Variants in UNC50 observed in about 807,000 individuals in gnomAD.
The protein encoded by UNC50 is protein unc-50 homolog.
A neutral mutation model predicts 31.5 loss-of-function variants in UNC50; 24 were observed. The ratio of observed to expected loss-of-function variants is 0.76; its 90% CI spans 0.55 to 1.07. The LOEUF (loss-of-function observed/expected upper bound fraction) is 1.07, where lower values mean the gene tolerates loss of function less well. Ranked by LOEUF, UNC50 falls within the 50% of genes least tolerant of loss-of-function variation. UNC50 has a pLI of 0.00. For missense variants in UNC50, 245 were observed against 304.2 expected (o/e 0.81, Z 1.45); for synonymous variants, 118 against 114.7 (o/e 1.03, Z -0.18).
intron 3 of UNC50, among the ~76,000 whole-genome samples, chr2:98,611,994 C>T (rs1454415294): frequency 6.9e-6 from 1 of 145,108 alleles, no homozygotes; most frequent in Non-Finnish European, 1.5e-5. Flanking sequence ...CACCGCCACA[C>T]ACACACACGG....
At chr2:98,615,680 C>T (rs559252695) in intron 3 of UNC50, among the ~76,000 whole-genome samples, 55 of 152,160 alleles carry the variant, frequency 3.6e-4, no homozygotes, top group Non-Finnish European at 6.8e-4. Context: ...TCAGATCCGC[C>T]ACCAGGGAGG....
intron 3 of UNC50, among the ~76,000 whole-genome samples, chr2:98,611,623 C>A (rs1336556894): frequency 6.6e-6 from 1 of 152,166 alleles, no homozygotes; most frequent in African/African-American, 2.4e-5. Context: ...GACACAGTTA[C>A]CAGCTTGACT....
Position 98,618,485 on chromosome 2 carries a change from C to T in UNC50, c.*181C>T, listed in dbSNP as rs990586529. 3 of 454,778 alleles carry T rather than the reference C, an allele frequency of 6.6e-6. No individual in the cohort carries two copies. The highest frequency in any genetic ancestry group is 4.0e-5 in the African/African-American group (2 of 49,454). 28.2% of individuals were successfully genotyped at this position (454,778 alleles called of 1,614,324 possible). The stretch of plus-strand genomic sequence containing the variant: ...CATTCCTTAAAACTAATTAAATGTA[C>T]ATTTCTATAATAAATATTTTTTAAA... On this transcript the variant is annotated 3_prime_UTR_variant, in exon 6 of 6. Transcript: ENST00000357765.
chr2:98,616,575 A>G, intron 5 of UNC50, 42 bp downstream of exon 5: 7 of 1,511,046 alleles, frequency 4.6e-6, no homozygotes, highest in Non-Finnish European at 6.4e-6. Context: ...GAACATAGCA[A>G]GAGGGGGAAA....
intron 1 of UNC50, 129 bp downstream of exon 1, chr2:98,608,855 C>G (rs926722668): frequency 8.1e-6 from 2 of 246,888 alleles, no homozygotes; most frequent in Non-Finnish European, 1.6e-5. Context: ...GCCCCTCGGC[C>G]GGCGATAGAG....
At chr2:98,613,811 G>T (rs1039420334) in intron 3 of UNC50, among the ~76,000 whole-genome samples, 2 of 152,224 alleles carry the variant, frequency 1.3e-5, no homozygotes, top group African/African-American at 2.4e-5. Flanking sequence ...AACCTATGTT[G>T]TGTGAGGAAC....
intron 3 of UNC50, among the ~76,000 whole-genome samples, chr2:98,613,018 G>A (rs1404710927): frequency 6.6e-6 from 1 of 152,180 alleles, no homozygotes; most frequent in Non-Finnish European, 1.5e-5. Flanking sequence ...CCTTCAATAC[G>A]TAAAAATTTA....
At chr2:98,613,050 C>T (rs1484089730) in intron 3 of UNC50, among the ~76,000 whole-genome samples, 8 of 152,156 alleles carry the variant, frequency 5.3e-5, no homozygotes, top group Non-Finnish European at 1.5e-5. Flanking sequence ...TTCTGTGAAG[C>T]GCAGTACAGT....
Position 98,618,424 on chromosome 2 carries a change from A to G in UNC50, c.*120A>G. 1 of 1,020,160 alleles carries G rather than the reference A, an allele frequency of 9.8e-7. No homozygotes were observed. Among genetic ancestry groups the G allele is most frequent in the Non-Finnish European group, 1.3e-6 (1 of 757,966 alleles). The allele number at this position is 1,020,160 out of a possible 1,614,324, so 63.2% of individuals were successfully genotyped here. On this transcript the variant is annotated 3_prime_UTR_variant, in exon 6 of 6. Transcript: ENST00000357765. Reference sequence around the variant, plus strand: ...TATCTTAAAGGTGTAAAGTTTGCAAATTTGAAGAAATATATATTAACACTG... The same window carrying G: ...TATCTTAAAGGTGTAAAGTTTGCAAGTTTGAAGAAATATATATTAACACTG...
At chr2:98,617,269 T>G (rs966162425) in intron 5 of UNC50, among the ~76,000 whole-genome samples, 4 of 152,190 alleles carry the variant, frequency 2.6e-5, no homozygotes, top group Non-Finnish European at 5.9e-5. Flanking sequence ...GGCCTAACTG[T>G]AAATACAGAT....
rs1404332318 is a variant in UNC50 at position 98,616,313 on chromosome 2, A to G, written c.508A>G (p.Ile170Val). Residue 170 changes from isoleucine (I) to valine (V), a missense_variant, in exon 4 of 6, where the codon ATT (isoleucine) becomes GTT (valine). Transcript: ENST00000357765. ...CAATGCTTTTTATCCACTCCTGGTC[A>G]TTTTGCATTTTATCCAGCTTTTTTT... ...HLNAFYPLLV[I>V]LHFIQLFFIN... 1 of 1,613,870 alleles carries G rather than the reference A, an allele frequency of 6.2e-7. No individual in the cohort carries two copies. The highest frequency in any genetic ancestry group is 2.2e-5 in the East Asian group (1 of 44,874).
intron 3 of UNC50, among the ~76,000 whole-genome samples, chr2:98,612,718 C>G (rs956219838): frequency 6.6e-6 from 1 of 152,210 alleles, no homozygotes; most frequent in Non-Finnish European, 1.5e-5. Flanking sequence ...CAATACCACC[C>G]TTTTACAGGC....
chr2:98,617,134 A>G (rs2104189066), intron 5 of UNC50, among the ~76,000 whole-genome samples: 1 of 152,342 alleles, frequency 6.6e-6, no homozygotes, highest in Admixed American at 6.5e-5. Flanking sequence ...CTTAATATGA[A>G]TGAGGAACAT....
intron 3 of UNC50, among the ~76,000 whole-genome samples, chr2:98,615,079 A>C (rs890193248): frequency 3.9e-5 from 6 of 152,268 alleles, no homozygotes; most frequent in Non-Finnish European, 2.9e-5. Context: ...GCCATGTTGT[A>C]GAACAGTGAC....
In UNC50 at chr2:98,616,423, T is replaced by C; in HGVS notation, c.542-9T>C. ...TAAAGGGACTCATGGTCTGCGTCTCTTCTGGCAGATGTTATCCTGACAGAC... is the reference window on the plus strand; with the variant it reads ...TAAAGGGACTCATGGTCTGCGTCTCCTCTGGCAGATGTTATCCTGACAGAC... On this transcript the variant is annotated splice_polypyrimidine_tract_variant and intron_variant, in intron 4 of 5. Coordinates refer to ENST00000357765, the MANE Select transcript of UNC50 (RefSeq NM_014044.7). The C allele has an allele frequency of 6.2e-7, 1 of 1,614,018 alleles. No homozygotes were observed. Among genetic ancestry groups the C allele is most frequent in the South Asian group, 1.1e-5 (1 of 91,060 alleles).
intron 1 of UNC50, chr2:98,609,513 A>G (rs912847691): frequency 1.0e-5 from 6 of 584,428 alleles, no homozygotes; most frequent in African/African-American, 9.3e-5. Flanking sequence ...CTGCCCCTGG[A>G]TAAGTGTTAT....
chr2:98,615,920 A>G (rs1700912160), intron 3 of UNC50, among the ~76,000 whole-genome samples: 1 of 152,034 alleles, frequency 6.6e-6, no homozygotes, highest in Non-Finnish European at 1.5e-5. Flanking sequence ...AGGCACCATC[A>G]CTATCCTTGG....
In UNC50 at chr2:98,610,848, A is replaced by C; in HGVS notation, c.354A>C (p.Val118=). The C allele has an allele frequency of 1.2e-6, 2 of 1,614,140 alleles. No individual in the cohort carries two copies. The highest frequency in any genetic ancestry group is 2.2e-5 in the South Asian group (2 of 91,078). ...CAATAAAGCTTCTCCTTTGGGTTGT[A>C]CTCATAGATTGTGTAGGCGTTGGTC... ...FETIKLLLWV[V]LIDCVGVGLL... Residue 118 remains valine (V), a synonymous_variant, in exon 3 of 6, where the codon GTA becomes GTC. Coordinates refer to ENST00000357765, the MANE Select transcript of UNC50 (RefSeq NM_014044.7).
Position 98,618,324 on chromosome 2 carries a change from A to G in UNC50, c.*20A>G, listed in dbSNP as rs371264828. On this transcript the variant is annotated 3_prime_UTR_variant, in exon 6 of 6. Coordinates refer to ENST00000357765, the MANE Select transcript of UNC50 (RefSeq NM_014044.7). ...AAATAAAAAGTGAGAAGAAGATTCA[A>G]TCGTAACTGTGTCAACAGTATTGTG... 2.4e-5 allele frequency: 38 copies of G among 1,588,298 alleles called. No individual in the cohort carries two copies. Among genetic ancestry groups the G allele is most frequent in the Middle Eastern group, 3.4e-4 (2 of 5,956 alleles).
Sources: gnomAD v4.1 joint callset for allele counts (sites outside exome capture counted in the v4.1 genomes callset) on GRCh38, gnomAD v4.1.1 for gene constraint, MANE v1.5 for transcripts, NCBI Gene and HGNC (gene_info 2026-07-23, HGNC 2026-07-21) for gene names.